Variants in PPP4R1 observed in about 807,000 individuals in gnomAD.
PPP4R1 encodes the protein protein phosphatase 4 regulatory subunit 1, also known as serine/threonine-protein phosphatase 4 regulatory subunit 1.
A neutral mutation model predicts 111.2 loss-of-function variants in PPP4R1; 42 were observed. The observed-to-expected ratio is 0.38, with a 90% CI of 0.29 to 0.49. PPP4R1 has a LOEUF of 0.49. PPP4R1 is among the 20% of genes least tolerant of loss of function. PPP4R1 has a pLI of 0.97. For missense variants in PPP4R1, 1,012 were observed against 1,161.6 expected (o/e 0.87, Z 1.87); for synonymous variants, 409 against 405.5 (o/e 1.01, Z -0.10).
rs1035826468 is a variant in PPP4R1, at chr18:9,588,943, AC to A, written c.296-91del. 2.7e-6 allele frequency: 4 copies of A among 1,457,706 alleles called. No homozygotes were observed. The Admixed American group carries it at 6.8e-5, about 25-fold the overall frequency. 90.3% of individuals were successfully genotyped at this position (1,457,706 alleles called of 1,614,324 possible). A position where few individuals can be genotyped will look rare whatever the true frequency, so the allele number is the denominator to read the frequency against. ...TTGAGGGTACTTAGGAAGGCTATGG[AC>A]TTTCATCTTCAAAATATAAAGGACT... On this transcript the variant is annotated intron_variant, in intron 4 of 19. Transcript: ENST00000400556.
At position 9,555,909 on chromosome 18, in the gene PPP4R1, G is replaced by A. The variant is rs572792125; in HGVS notation, c.2190+1312C>T. Among the ~76,000 whole-genome samples the A allele has an allele frequency of 7.9e-5, 12 of 152,086 alleles. 1 individual carries two copies. The East Asian group carries it at 2.2e-3, about 27-fold the overall frequency. On this transcript the variant is annotated intron_variant, in intron 15 of 19. Transcript: ENST00000400556. ...CCCAGCACTTTGGGAGGCCAAGGTG[G>A]GCGGATCACAAGATCAGGAGATCAA...
chr18:9,549,692 T>A, intron 18 of PPP4R1: 1 of 465,656 alleles, frequency 2.1e-6, no homozygotes. Flanking sequence ...CTGTGTAATA[T>A]GCAGTGAGGA....
At chr18:9,562,794 A>G (rs3826562) in intron 12 of PPP4R1, 5 of 885,140 alleles carry the variant, frequency 5.6e-6, no homozygotes, top group Middle Eastern at 5.6e-4. Flanking sequence ...CCATTTGTAT[A>G]AACAATGGCT....
At chr18:9,555,869 G>A (rs193103577) in intron 15 of PPP4R1, among the ~76,000 whole-genome samples, 2,007 of 152,170 alleles carry the variant, frequency 0.013, 31 homozygotes, top group Middle Eastern at 0.041. Flanking sequence ...AGGCATGGTG[G>A]CTCACGCCTG....
intron 18 of PPP4R1, 130 bp downstream of exon 18, chr18:9,549,922 A>C (rs561695695): frequency 3.7e-6 from 5 of 1,360,912 alleles, no homozygotes; most frequent in African/African-American, 2.9e-5. Flanking sequence ...ATGATCCTAT[A>C]AACAGCCAGG....
chr18:9,578,208 T>A (rs1276480317), intron 9 of PPP4R1, among the ~76,000 whole-genome samples: 1 of 152,238 alleles, frequency 6.6e-6, no homozygotes, highest in African/African-American at 2.4e-5. Context: ...AAACCTTGAC[T>A]TTGCCACACA....
chr18:9,600,626 C>G (rs1040173217), intron 2 of PPP4R1, among the ~76,000 whole-genome samples: 4 of 152,178 alleles, frequency 2.6e-5, no homozygotes, highest in Admixed American at 2.6e-4. Context: ...ATAATCCCAG[C>G]ACTTTGGGAG....
chr18:9,556,003 A>C (rs142385186), intron 15 of PPP4R1, among the ~76,000 whole-genome samples: 4 of 38,516 alleles, frequency 1.0e-4, no homozygotes, highest in African/African-American at 2.3e-4. Flanking sequence ...CAAACAAAAA[A>C]ACACAAAATC....
chr18:9,557,167 T>A (rs2066600908), intron 15 of PPP4R1, 54 bp downstream of exon 15: 2 of 1,473,210 alleles, frequency 1.4e-6, no homozygotes, highest in Non-Finnish European at 1.8e-6. Flanking sequence ...AGATAAAGAT[T>A]TAGATTACGG....
At chr18:9,584,486 GTT>G in intron 8 of PPP4R1, 27 bp downstream of exon 8, 1 of 1,593,988 alleles carries the variant, frequency 6.3e-7, no homozygotes, top group South Asian at 1.1e-5. Context: ...AACACACACT[GTT>G]TACTCCTTTA....
At chr18:9,607,549 G>A (rs912558395) in intron 2 of PPP4R1, among the ~76,000 whole-genome samples, 2 of 152,018 alleles carry the variant, frequency 1.3e-5, no homozygotes, top group African/African-American at 2.4e-5. Context: ...TTCACCAAAG[G>A]AGATAAGTTA....
intron 12 of PPP4R1, chr18:9,563,126 TACATTA>T: frequency 8.4e-7 from 1 of 1,187,916 alleles, no homozygotes; most frequent in South Asian, 2.8e-5. Flanking sequence ...TGCAGTGAGC[TACATTA>T]ACATTGAGTC....
chr18:9,586,407 A>G (rs2067117035), intron 6 of PPP4R1, among the ~76,000 whole-genome samples: 1 of 152,170 alleles, frequency 6.6e-6, no homozygotes, highest in Non-Finnish European at 1.5e-5. Context: ...CATTGCAAAA[A>G]TCCTAAAGTG....
chr18:9,613,157 G>T (rs1223357526), intron 2 of PPP4R1, among the ~76,000 whole-genome samples: 1 of 152,122 alleles, frequency 6.6e-6, no homozygotes, highest in Admixed American at 6.5e-5. Context: ...TCCTACTATG[G>T]TTATCATCTC....
At chr18:9,564,726 GT>G (rs2066734921) in intron 11 of PPP4R1, among the ~76,000 whole-genome samples, 1 of 51,980 alleles carries the variant, frequency 1.9e-5, no homozygotes, top group African/African-American at 6.8e-5. Flanking sequence ...GTGTGTGTGT[GT>G]GTGTGTGTGT....
chr18:9,557,247 G>A lies in PPP4R1; in HGVS notation c.2164C>T (p.Leu722Phe). ...TTCAGAAAATCATGCAAGTGTTTAA[G>A]AACACCTATCCTGACTTCATCGAGG... ...KDLDEVRIGV[L>F]KHLHDFLKLL... Residue 722 changes from leucine to phenylalanine, a missense_variant, in exon 15 of 20, where the codon CTT (leucine) becomes TTT (phenylalanine). By Grantham distance (22) the Leu-to-Phe change is conservative. Around this residue, in one of 2 missense-constraint regions of PPP4R1, gnomAD observed 305 missense variants for 419.5 expected, o/e 0.73. Coordinates refer to ENST00000400556, the MANE Select transcript of PPP4R1 (RefSeq NM_001042388.3). The A allele has an allele frequency of 6.3e-7, 1 of 1,589,246 alleles. No individual in the cohort carries two copies. The highest frequency in any genetic ancestry group is 8.5e-7 in the Non-Finnish European group (1 of 1,173,138).
chr18:9,591,406 G>C (rs2067209907), intron 4 of PPP4R1, among the ~76,000 whole-genome samples: 1 of 151,620 alleles, frequency 6.6e-6, no homozygotes, highest in Non-Finnish European at 1.5e-5. Context: ...GAACTTCACT[G>C]GTTACTGAGG....
intron 15 of PPP4R1, among the ~76,000 whole-genome samples, chr18:9,554,544 C>T (rs1023111311): frequency 3.3e-5 from 5 of 151,814 alleles, no homozygotes; most frequent in Admixed American, 2.0e-4. Context: ...CAGTTCATAA[C>T]AATATGAAGT....
intron 11 of PPP4R1, among the ~76,000 whole-genome samples, chr18:9,565,044 G>A (rs2066743864): frequency 2.0e-5 from 3 of 152,082 alleles, no homozygotes; most frequent in African/African-American, 7.2e-5. Flanking sequence ...AAGGTCTGTG[G>A]CAAGCTTACA....
Sources: gnomAD v4.1 joint callset for allele counts (sites outside exome capture counted in the v4.1 genomes callset) on GRCh38, gnomAD v4.1.1 for gene constraint, gnomAD v4.1.1 regional missense constraint, MANE v1.5 for transcripts, NCBI Gene and HGNC (gene_info 2026-07-23, HGNC 2026-07-21) for gene names.